Variants in FYB1 observed in about 807,000 individuals in gnomAD.
The protein encoded by FYB1 is FYN binding protein 1.
A neutral mutation model predicts 94.1 loss-of-function variants in FYB1; 41 were observed. The ratio of observed to expected loss-of-function variants is 0.44; its 90% CI spans 0.34 to 0.57. FYB1 has a LOEUF of 0.57. Ranked by LOEUF, FYB1 falls within the 20% of genes least tolerant of loss-of-function variation. The pLI is 0.02. For synonymous variants in FYB1, 367 were observed against 353.2 expected, an observed-to-expected ratio of 1.04 and a Z score of -0.44; for missense variants, 1,050 against 976.8, an observed-to-expected ratio of 1.07 and a Z score of -1.00.
At chr5:39,166,252 CA>C (rs1460726140) in intron 2 of FYB1, among the ~76,000 whole-genome samples, 2 of 152,200 alleles carry the variant, frequency 1.3e-5, no homozygotes, top group East Asian at 3.9e-4. Flanking sequence ...GCCTGACCAA[CA>C]TGGTGAAACC....
At chr5:39,237,289 G>A (rs1382351294) in intron 1 of FYB1, among the ~76,000 whole-genome samples, 1 of 152,120 alleles carries the variant, frequency 6.6e-6, no homozygotes, top group Non-Finnish European at 1.5e-5. Flanking sequence ...CTAAGTATGA[G>A]ATGACCGGCT....
intron 15 of FYB1, 41 bp from the exon 16 acceptor site, chr5:39,119,077 G>A (rs369190537): frequency 3.0e-6 from 3 of 991,216 alleles, no homozygotes; most frequent in African/African-American, 3.4e-5. Flanking sequence ...TGGTTTATGT[G>A]CATTATTGAA....
intron 1 of FYB1, among the ~76,000 whole-genome samples, chr5:39,243,603 A>C (rs1055788494): frequency 1.5e-4 from 23 of 152,188 alleles, no homozygotes; most frequent in Non-Finnish European, 1.5e-5. Flanking sequence ...CTTTTTGCTT[A>C]GGATTGTCTT....
chr5:39,186,262 A>G (rs1346718043), intron 2 of FYB1, among the ~76,000 whole-genome samples: 1 of 152,170 alleles, frequency 6.6e-6, no homozygotes, highest in Non-Finnish European at 1.5e-5. Flanking sequence ...CGTCTCTACT[A>G]AAAATACAAA....
intron 17 of FYB1, among the ~76,000 whole-genome samples, chr5:39,110,086 T>C (rs1405110831): frequency 6.6e-6 from 1 of 152,172 alleles, no homozygotes; most frequent in Non-Finnish European, 1.5e-5. Flanking sequence ...CAGTGTTTGC[T>C]GAGAGCCTAA....
At chr5:39,141,362 C>T (rs1025558984) in intron 3 of FYB1, among the ~76,000 whole-genome samples, 2 of 152,230 alleles carry the variant, frequency 1.3e-5, no homozygotes, top group Non-Finnish European at 2.9e-5. Context: ...ACCATCTATT[C>T]ATAGTAGACT....
chr5:39,161,072 C>T (rs578200837), intron 2 of FYB1, among the ~76,000 whole-genome samples: 12 of 152,318 alleles, frequency 7.9e-5, no homozygotes, highest in South Asian at 4.1e-4. Context: ...TCTGTTTGTA[C>T]GCAGAGCACT....
intron 5 of FYB1, chr5:39,138,960 G>A (rs1030872436): frequency 3.7e-6 from 2 of 542,082 alleles, no homozygotes; most frequent in African/African-American, 1.9e-5. Flanking sequence ...GACTGGGAAA[G>A]CAAAAACAAA....
intron 1 of FYB1, among the ~76,000 whole-genome samples, chr5:39,217,825 A>G (rs1385252496): frequency 6.6e-6 from 1 of 152,210 alleles, no homozygotes; most frequent in Non-Finnish European, 1.5e-5. Flanking sequence ...CCTCAGACAA[A>G]TGAAATATCA....
intron 2 of FYB1, among the ~76,000 whole-genome samples, chr5:39,196,685 A>G (rs1747866861): frequency 6.6e-6 from 1 of 152,206 alleles, no homozygotes; most frequent in Non-Finnish European, 1.5e-5. Flanking sequence ...GAGAGGAATG[A>G]GGATTTTGGG....
At chr5:39,189,498 T>C (rs1407443677) in intron 2 of FYB1, among the ~76,000 whole-genome samples, 1 of 152,180 alleles carries the variant, frequency 6.6e-6, no homozygotes, top group Non-Finnish European at 1.5e-5. Flanking sequence ...GGCCTTTGAA[T>C]AAGAAACTTC....
chr5:39,118,814 G>C, intron 16 of FYB1, 60 bp downstream of exon 16: 1 of 1,098,210 alleles, frequency 9.1e-7, no homozygotes, highest in East Asian at 2.8e-5. Flanking sequence ...AAACTTGTTT[G>C]GTTGTTAAAT....
At chr5:39,165,248 G>A (rs1177811668) in intron 2 of FYB1, among the ~76,000 whole-genome samples, 2 of 152,114 alleles carry the variant, frequency 1.3e-5, no homozygotes, top group Non-Finnish European at 2.9e-5. Flanking sequence ...TATACGACAA[G>A]GCTATAGCAA....
rs868425549 is a variant in FYB1, at chr5:39,185,523, A to T, written c.1135+16303T>A. Among the ~76,000 whole-genome samples the T allele has an allele frequency of 2.6e-3, 353 of 135,916 alleles. 1 individual carries two copies. Among genetic ancestry groups the T allele is most frequent in the African/African-American group, 0.01 (338 of 33,532 alleles). 89.2% of individuals were successfully genotyped at this position (135,916 alleles called of 152,430 possible). A position where few individuals can be genotyped will look rare whatever the true frequency, so the allele number is the denominator to read the frequency against. ...ATAGAAAAGATAACTGACTAAAAAA[A>T]AAATATATATATATATATGATATAT... On this transcript the variant is annotated intron_variant, in intron 2 of 18. Transcript: ENST00000512982.
intron 2 of FYB1, among the ~76,000 whole-genome samples, chr5:39,175,294 G>A (rs1183960219): frequency 6.6e-6 from 1 of 152,200 alleles, no homozygotes; most frequent in Non-Finnish European, 1.5e-5. Flanking sequence ...CAGCAACTGG[G>A]TTAGACATCT....
chr5:39,200,349 C>G (rs1748201153), intron 2 of FYB1, among the ~76,000 whole-genome samples: 1 of 152,200 alleles, frequency 6.6e-6, no homozygotes, highest in Admixed American at 6.5e-5. Flanking sequence ...GCTCTGCCAC[C>G]ACCCACACTG....
chr5:39,129,341 A>G (rs371662113), intron 10 of FYB1, among the ~76,000 whole-genome samples: 1 of 152,078 alleles, frequency 6.6e-6, no homozygotes, highest in Admixed American at 6.6e-5. Context: ...CATAAGACCT[A>G]AAAGTATAAA....
chr5:39,201,921 A>C lies in FYB1; in HGVS notation c.1040T>G (p.Leu347Trp). The C allele has an allele frequency of 1.2e-6, 2 of 1,613,966 alleles. No individual in the cohort carries two copies. The highest frequency in any genetic ancestry group is 1.7e-6 in the Non-Finnish European group (2 of 1,179,866). ...TGGACCCAAGGTAAACAAGGGAGGC[A>C]ATGGCTTCTGTTTCGGGGTGGCTGA... Reference protein sequence around the residue: ...KNSATPKQKPLPPLFTLGPPP... With the variant: ...KNSATPKQKPWPPLFTLGPPP... Residue 347 changes from leucine (L) to tryptophan (W), a missense_variant, in exon 2 of 19, where the codon TTG (leucine) becomes TGG (tryptophan). Physicochemically the swap from Leu to Trp is moderately conservative, Grantham distance 61 (BLOSUM62 -2). Transcript: ENST00000512982.
chr5:39,142,160 T>A (rs577540055), intron 3 of FYB1, among the ~76,000 whole-genome samples: 1 of 152,340 alleles, frequency 6.6e-6, no homozygotes, highest in South Asian at 2.1e-4. Flanking sequence ...TGGTATTAAA[T>A]CTCAGCTGTA....
Sources: gnomAD v4.1 joint callset for allele counts (sites outside exome capture counted in the v4.1 genomes callset) on GRCh38, gnomAD v4.1.1 for gene constraint, MANE v1.5 for transcripts, NCBI Gene and HGNC (gene_info 2026-07-23, HGNC 2026-07-21) for gene names.